The following KLHL6 variants were observed in gnomAD, a reference collection of about 807,000 sequenced individuals.
The protein encoded by KLHL6 is kelch like family member 6.
Under a neutral mutation model 58.6 loss-of-function variants are expected in KLHL6, and 41 were observed. The ratio of observed to expected loss-of-function variants is 0.70; its 90% CI spans 0.55 to 0.91. The LOEUF is 0.91. Among genes scored for constraint, KLHL6 ranks in the 40% least tolerant of loss-of-function variants. KLHL6 has a pLI of 0.00. For synonymous variants in KLHL6, 338 were observed against 322.7 expected, an observed-to-expected ratio of 1.05 and a Z score of -0.51; for missense variants, 714 against 805.6, an observed-to-expected ratio of 0.89 and a Z score of 1.38.
chr3:183,528,785 T>A (rs1347167064), intron 1 of KLHL6, among the ~76,000 whole-genome samples: 1 of 152,208 alleles, frequency 6.6e-6, no homozygotes, highest in Non-Finnish European at 1.5e-5. Context: ...AGCTATTTTT[T>A]AAGTTTATTG....
intron 1 of KLHL6, among the ~76,000 whole-genome samples, chr3:183,553,061 G>C (rs1264599419): frequency 6.6e-6 from 1 of 152,120 alleles, no homozygotes; most frequent in African/African-American, 2.4e-5. Flanking sequence ...AGTAGCACCG[G>C]AAGAAAGAAT....
chr3:183,514,301 C>A (rs1415248351), intron 2 of KLHL6, among the ~76,000 whole-genome samples: 2 of 152,152 alleles, frequency 1.3e-5, no homozygotes, highest in Non-Finnish European at 2.9e-5. Flanking sequence ...CCCCTTCAAT[C>A]TTCCACAATC....
chr3:183,544,282 C>T (rs549338750), intron 1 of KLHL6, among the ~76,000 whole-genome samples: 7 of 151,582 alleles, frequency 4.6e-5, no homozygotes, highest in Non-Finnish European at 1.0e-4. Context: ...TTACAGCTAG[C>T]AGAGGACATG....
In KLHL6 at chr3:183,494,219, T is replaced by C. The variant is rs1165202770; in HGVS notation, c.1210A>G (p.Ile404Val). ...CAGCGGCCTATGTTTAAATACTCAA[T>C]CTGAATCCACTTGTTGATCGAAGAA... is the stretch of plus-strand genomic sequence containing the variant. ...YNSSINKWIQ[I>V]EYLNIGRWRH... is the part of the protein sequence containing the mutation. The change falls in exon 5 of 7, where the codon ATT (isoleucine) becomes GTT (valine). Residue 404 changes from isoleucine (I) to valine (V), a missense_variant. This residue lies in a region of KLHL6 where 510 missense variants were observed against 629.7 expected (regional missense o/e 0.81). Transcript: ENST00000341319. 15 of 1,614,092 alleles carry C rather than the reference T, an allele frequency of 9.3e-6. No homozygotes were observed. Among genetic ancestry groups the C allele is most frequent in the Non-Finnish European group, 1.3e-5 (15 of 1,179,954 alleles).
intron 1 of KLHL6, among the ~76,000 whole-genome samples, chr3:183,534,914 A>G (rs961046109): frequency 1.4e-5 from 2 of 146,508 alleles, no homozygotes; most frequent in African/African-American, 5.0e-5. Flanking sequence ...ATGTATGTAT[A>G]TATGTATGCA....
intron 4 of KLHL6, among the ~76,000 whole-genome samples, chr3:183,495,179 A>G (rs1334844981): frequency 1.3e-5 from 2 of 152,236 alleles, no homozygotes; most frequent in South Asian, 4.1e-4. Flanking sequence ...GGAACCCAGA[A>G]GTGGGTTTAC....
At chr3:183,510,335 G>A (rs1240314079) in intron 2 of KLHL6, among the ~76,000 whole-genome samples, 1 of 151,992 alleles carries the variant, frequency 6.6e-6, no homozygotes, top group Non-Finnish European at 1.5e-5. Context: ...CTGAAGGCAG[G>A]TCCTGGTGAG....
At chr3:183,512,496 AT>A (rs562758148) in intron 2 of KLHL6, among the ~76,000 whole-genome samples, 208 of 150,158 alleles carry the variant, frequency 1.4e-3, no homozygotes, top group African/African-American at 3.4e-3. Context: ...ACATTATGAT[AT>A]TTTTTTTTTT....
Position 183,491,612 on chromosome 3 carries a change from G to C in KLHL6, c.*315C>G, listed in dbSNP as rs1279315336. 3.8e-6 allele frequency: 1 copy of C among 262,832 alleles called. No homozygotes were observed. Among genetic ancestry groups the C allele is most frequent in the Non-Finnish European group, 7.2e-6 (1 of 139,622 alleles). The allele number at this position is 262,832 out of a possible 1,614,324, so 16.3% of individuals were successfully genotyped here. A position where few individuals can be genotyped will look rare whatever the true frequency, so the allele number is the denominator to read the frequency against. ...CTCACCTGTAAACTAGAAGTGATAAGAGCCAGTCACCAGGTTAAATGAACC... is the reference window on the plus strand; with the variant it reads ...CTCACCTGTAAACTAGAAGTGATAACAGCCAGTCACCAGGTTAAATGAACC... On this transcript the variant is annotated 3_prime_UTR_variant, in exon 7 of 7. Transcript: ENST00000341319.
chr3:183,534,399 T>TTTTGTTTG (rs201435224), intron 1 of KLHL6, among the ~76,000 whole-genome samples: 1 of 151,980 alleles, frequency 6.6e-6, no homozygotes, highest in African/African-American at 2.4e-5. Context: ...TCACCACATT[T>TTTTGTTTG]TTTGTTTGTT....
At chr3:183,518,853 G>T (rs186127685) in intron 2 of KLHL6, among the ~76,000 whole-genome samples, 1 of 152,128 alleles carries the variant, frequency 6.6e-6, no homozygotes, top group East Asian at 1.9e-4. Context: ...CACCCTGGAG[G>T]CAATAAAGAT....
intron 3 of KLHL6, among the ~76,000 whole-genome samples, chr3:183,507,057 G>A (rs1294903440): frequency 6.6e-6 from 1 of 152,078 alleles, no homozygotes; most frequent in East Asian, 1.9e-4. Context: ...GTGGGAGGTT[G>A]GAGAGGACAC....
intron 1 of KLHL6, among the ~76,000 whole-genome samples, chr3:183,536,328 TC>T (rs1237518755): frequency 6.6e-6 from 1 of 152,220 alleles, no homozygotes; most frequent in Non-Finnish European, 1.5e-5. Flanking sequence ...GCCGTGATAC[TC>T]TCTGACCACA....
At chr3:183,535,784 G>A (rs547484156) in intron 1 of KLHL6, among the ~76,000 whole-genome samples, 180 of 150,886 alleles carry the variant, frequency 1.2e-3, no homozygotes, top group South Asian at 2.3e-3. Flanking sequence ...CACGGCTTCC[G>A]AATTCTTTTT....
At position 183,549,821 on chromosome 3, in the gene KLHL6, T is replaced by A. The variant is rs558871641; in HGVS notation, c.293+5540A>T. 2.8e-4 allele frequency among the ~76,000 whole-genome samples: 43 copies of A among 152,200 alleles called. 1 individual carries two copies. In the South Asian group the frequency reaches 8.9e-3, roughly 32 times the overall value. ...CAGGTGTGGTGGCTCATGCTTGTAATCCTAGCACTTTGGGAGGCCGGGTCA... is the reference window on the plus strand; with the variant it reads ...CAGGTGTGGTGGCTCATGCTTGTAAACCTAGCACTTTGGGAGGCCGGGTCA... On this transcript the variant is annotated intron_variant, in intron 1 of 6. Transcript: ENST00000341319.
chr3:183,520,146 A>G (rs922140760), intron 2 of KLHL6: 1 of 152,148 alleles, frequency 6.6e-6, no homozygotes, highest in African/African-American at 2.4e-5. Context: ...GGCTGTTGTC[A>G]ATGTTGATCT....
intron 3 of KLHL6, among the ~76,000 whole-genome samples, chr3:183,500,632 G>A (rs985495165): frequency 3.3e-5 from 5 of 152,146 alleles, no homozygotes; most frequent in African/African-American, 1.2e-4. Context: ...GCACACACTC[G>A]CCCCTCAACA....
chr3:183,536,885 C>T (rs576591646), intron 1 of KLHL6, among the ~76,000 whole-genome samples: 9 of 152,140 alleles, frequency 5.9e-5, no homozygotes, highest in East Asian at 1.9e-4. Context: ...ATAGGGCCAG[C>T]GCTGTGCACG....
chr3:183,511,641 C>T (rs994529573), intron 2 of KLHL6, among the ~76,000 whole-genome samples: 1 of 152,108 alleles, frequency 6.6e-6, no homozygotes, highest in African/African-American at 2.4e-5. Flanking sequence ...TGCATTGTGC[C>T]CCTGGTTTAT....
Sources: gnomAD v4.1 joint callset for allele counts (sites outside exome capture counted in the v4.1 genomes callset) on GRCh38, gnomAD v4.1.1 for gene constraint, gnomAD v4.1.1 regional missense constraint, MANE v1.5 for transcripts, NCBI Gene and HGNC (gene_info 2026-07-23, HGNC 2026-07-21) for gene names.